The following VPS13A variants were observed in gnomAD, a reference collection of about 807,000 sequenced individuals.
VPS13A encodes vacuolar protein sorting 13 homolog A, also known as intermembrane lipid transfer protein VPS13A.
VPS13A carries 264 observed loss-of-function variants against 390.9 expected under a neutral mutation model. The ratio of observed to expected loss-of-function variants is 0.68; its 90% CI spans 0.61 to 0.75. The LOEUF (loss-of-function observed/expected upper bound fraction) is 0.75. Among genes scored for constraint, VPS13A ranks in the 30% least tolerant of loss-of-function variants. The probability of loss-of-function intolerance (pLI) is 0.00; values close to 1 mark genes in which losing one functional copy is unlikely to be tolerated. For synonymous variants in VPS13A, 1,231 were observed against 1,227.1 expected, an observed-to-expected ratio of 1.00 and a Z score of -0.07; for missense variants, 3,409 against 3,733.9, an observed-to-expected ratio of 0.91 and a Z score of 2.27.
intron 52 of VPS13A, 56 bp from the exon 53 acceptor site, chr9:77,351,261 T>C: frequency 1.2e-6 from 2 of 1,601,038 alleles, no homozygotes; most frequent in Admixed American, 1.7e-5. Context: ...TAGTTTTTTT[T>C]TAATCTCTTC....
At chr9:77,288,071 A>G (rs1030456482) in intron 31 of VPS13A, among the ~76,000 whole-genome samples, 1 of 152,148 alleles carries the variant, frequency 6.6e-6, no homozygotes, top group African/African-American at 2.4e-5. Context: ...GAATCACTGC[A>G]CTGTTTTTCG....
At chr9:77,277,063 A>G (rs536566824) in intron 26 of VPS13A, among the ~76,000 whole-genome samples, 21 of 152,274 alleles carry the variant, frequency 1.4e-4, no homozygotes, top group Non-Finnish European at 1.5e-5. Context: ...TGGATATATG[A>G]TCCCTAAGAA....
chr9:77,293,474 T>C lies in VPS13A; in HGVS notation c.3473T>C (p.Val1158Ala), dbSNP rs1369832353. Residue 1158 changes from valine to alanine, a missense_variant, in exon 32 of 72, where the codon GTA (valine) becomes GCA (alanine). Physicochemically the swap from Val to Ala is moderately conservative, Grantham distance 64 (BLOSUM62 0). This residue lies in a region of VPS13A where 2,717 missense variants were observed against 2,917.4 expected (regional missense o/e 0.93). Coordinates refer to ENST00000360280, the MANE Select transcript of VPS13A (RefSeq NM_033305.3). ...AATTTAATAGTTGGTTGCATTGAAG[T>C]AGTTTTTGTCACGAAATTTCTATAT... ...QVNLIVGCIE[V>A]VFVTKFLYSI... 1 of 1,596,168 alleles carries C rather than the reference T, an allele frequency of 6.3e-7. No homozygotes were observed. The highest frequency in any genetic ancestry group is 1.2e-5 in the South Asian group (1 of 86,030).
chr9:77,345,885 G>A (rs1831121233), intron 52 of VPS13A, among the ~76,000 whole-genome samples: 1 of 152,098 alleles, frequency 6.6e-6, no homozygotes, highest in African/African-American at 2.4e-5. Context: ...CTCGTTTGGG[G>A]TAGCATTCTC....
intron 58 of VPS13A, 112 bp downstream of exon 58, chr9:77,359,514 A>G: frequency 9.9e-7 from 1 of 1,012,218 alleles, no homozygotes. Flanking sequence ...ATAAAATATT[A>G]ATTATAAACG....
chr9:77,304,194 T>A (rs186360436), intron 34 of VPS13A, among the ~76,000 whole-genome samples: 2 of 151,784 alleles, frequency 1.3e-5, no homozygotes, highest in Non-Finnish European at 1.5e-5. Flanking sequence ...AGTATACTGC[T>A]TGTAAACATT....
chr9:77,238,232 G>C, intron 18 of VPS13A, 40 bp from the exon 19 acceptor site: 1 of 1,608,990 alleles, frequency 6.2e-7, no homozygotes, highest in Non-Finnish European at 8.5e-7. Flanking sequence ...ATATAATTTA[G>C]TTTGCTTTGA....
intron 1 of VPS13A, among the ~76,000 whole-genome samples, chr9:77,194,179 C>T (rs1170069702): frequency 1.1e-4 from 17 of 152,052 alleles, no homozygotes; most frequent in Admixed American, 1.1e-3. Context: ...TGCGGGGAAG[C>T]TGTGCGTGGG....
chr9:77,338,521 G>C (rs1830650861), intron 47 of VPS13A: 1 of 152,048 alleles, frequency 6.6e-6, no homozygotes, highest in African/African-American at 2.4e-5. Flanking sequence ...AATTTGCTTG[G>C]TTAAGACATG....
At chr9:77,261,688 G>T (rs369625668) in intron 23 of VPS13A, among the ~76,000 whole-genome samples, 238 of 151,942 alleles carry the variant, frequency 1.6e-3, no homozygotes, top group African/African-American at 5.3e-3. Flanking sequence ...AGGTTCAAGC[G>T]GTTGTCCCAT....
chr9:77,343,087 C>T (rs1348668481), intron 50 of VPS13A, among the ~76,000 whole-genome samples: 3 of 152,076 alleles, frequency 2.0e-5, no homozygotes, highest in East Asian at 1.9e-4. Flanking sequence ...TCAGCTCAGG[C>T]GCTCCCTTTC....
rs762176805 is a variant in VPS13A, at chr9:77,293,487, G to A, written c.3486G>A (p.Thr1162=). The A allele has an allele frequency of 1.4e-5, 22 of 1,586,442 alleles. No individual in the cohort carries two copies. The South Asian group carries it at 1.7e-4, about 12-fold the overall frequency. ...IVGCIEVVFV[T]KFLYSILAFI... is the part of the protein sequence containing the mutation. ...GTTGCATTGAAGTAGTTTTTGTCAC[G>A]AAATTTCTATATTCTATATTGGTAA... The change falls in exon 32 of 72, where the codon ACG becomes ACA. Residue 1162 remains threonine (T), a synonymous_variant. Coordinates refer to ENST00000360280, the MANE Select transcript of VPS13A (RefSeq NM_033305.3).
intron 17 of VPS13A, among the ~76,000 whole-genome samples, chr9:77,230,876 C>T (rs1823791466): frequency 6.6e-6 from 1 of 152,090 alleles, no homozygotes; most frequent in Non-Finnish European, 1.5e-5. Flanking sequence ...TCTTCCAATC[C>T]ATGCACATTG....
intron 68 of VPS13A, among the ~76,000 whole-genome samples, chr9:77,397,542 A>G (rs1296977533): frequency 6.6e-6 from 1 of 151,986 alleles, no homozygotes; most frequent in African/African-American, 2.4e-5. Flanking sequence ...CATATTTTGC[A>G]TTATTTTTCA....
At chr9:77,364,361 G>A (rs527822397) in intron 59 of VPS13A, among the ~76,000 whole-genome samples, 1 of 152,230 alleles carries the variant, frequency 6.6e-6, no homozygotes, top group South Asian at 2.1e-4. Context: ...GGAGGCACAA[G>A]TTGCAGTGAG....
chr9:77,203,439 C>T (rs1164119369), intron 3 of VPS13A, among the ~76,000 whole-genome samples: 2 of 152,044 alleles, frequency 1.3e-5, no homozygotes, highest in African/African-American at 2.4e-5. Flanking sequence ...AGGTGTACGC[C>T]GCCATGCCTG....
At chr9:77,341,170 TG>T (rs1830783824) in intron 50 of VPS13A, among the ~76,000 whole-genome samples, 1 of 152,166 alleles carries the variant, frequency 6.6e-6, no homozygotes, top group East Asian at 1.9e-4. Flanking sequence ...CTTTTAGAGC[TG>T]GTTTTGAAGG....
Position 77,280,222 on chromosome 9 carries a change from C to T in VPS13A, c.2888C>T (p.Thr963Met), listed in dbSNP as rs577694390. Residue 963 changes from threonine to methionine, a missense_variant, in exon 27 of 72, where the codon ACG (threonine) becomes ATG (methionine). Physicochemically the swap from Thr to Met is moderately conservative, Grantham distance 81 (BLOSUM62 -1). Around this residue, in one of 5 missense-constraint regions of VPS13A, gnomAD observed 2,717 missense variants for 2,917.4 expected, o/e 0.93. Transcript: ENST00000360280. ...GATAACACAATGGAAGACCTGTTAA[C>T]GCTGGAATATGTAAAGGTAAGCAGT... ...TLDNTMEDLL[T>M]LEYVKAEKNV... 47 of 1,612,436 alleles carry T rather than the reference C, an allele frequency of 2.9e-5. No homozygotes were observed. Among genetic ancestry groups the T allele is most frequent in the South Asian group, 2.3e-4 (21 of 91,020 alleles).
chr9:77,278,237 A>ATTTTTTTTTTTTTTTTTTTT (rs57545793), intron 26 of VPS13A, among the ~76,000 whole-genome samples: 1 of 115,400 alleles, frequency 8.7e-6, no homozygotes, highest in Non-Finnish European at 1.7e-5. Flanking sequence ...CGCCCAGCTA[A>ATTTTTTTTTTTTTTTTTTTT]TTTTTTTTTT....
Sources: allele counts gnomAD v4.1 joint callset (sites outside exome capture counted in the v4.1 genomes callset), GRCh38; gene constraint gnomAD v4.1.1; regional missense constraint gnomAD v4.1.1; transcripts MANE v1.5; gene names NCBI Gene and HGNC (gene_info 2026-07-23, HGNC 2026-07-21).